The following CFAP61 variants were observed in gnomAD, a reference collection of about 807,000 sequenced individuals.
CFAP61 encodes the protein cilia and flagella associated protein 61.
A neutral mutation model predicts 135.6 loss-of-function variants in CFAP61; 107 were observed. That is an observed-to-expected ratio of 0.79 (90% CI 0.67 to 0.93). The LOEUF is 0.93. CFAP61 is among the 40% of genes least tolerant of loss of function. The pLI, the probability that CFAP61 is intolerant of heterozygous loss-of-function variation, is 0.00. For missense variants in CFAP61, 1,507 were observed against 1,556.2 expected, an observed-to-expected ratio of 0.97 and a Z score of 0.53; for synonymous variants, 575 against 578.5, an observed-to-expected ratio of 0.99 and a Z score of 0.09.
At position 20,169,355 on chromosome 20, in the gene CFAP61, T is replaced by C; in HGVS notation, c.1280T>C (p.Leu427Pro). The C allele has an allele frequency of 3.1e-6, 5 of 1,613,968 alleles. No individual in the cohort carries two copies. The highest frequency in any genetic ancestry group is 4.2e-6 in the Non-Finnish European group (5 of 1,179,942). ...KNFCVISLPHLTPEFFLIQNF... is the reference protein window; with the variant it reads ...KNFCVISLPHPTPEFFLIQNF... ...TTCTGTGTAATTTCTCTGCCCCATC[T>C]CACCCCCGAGTTCTTCCTCATCCAG... The change falls in exon 13 of 27, where the codon CTC becomes CCC. Residue 427 changes from leucine (L) to proline (P), a missense_variant. Physicochemically the swap from Leu to Pro is moderately conservative, Grantham distance 98. Transcript: ENST00000245957.
At chr20:20,168,410 C>T (rs1224931751) in intron 12 of CFAP61, among the ~76,000 whole-genome samples, 1 of 152,150 alleles carries the variant, frequency 6.6e-6, no homozygotes, top group African/African-American at 2.4e-5. Context: ...TATTAATGAG[C>T]TATTTACAAT....
chr20:20,098,736 C>G lies in CFAP61; in HGVS notation c.781C>G (p.Pro261Ala). The change falls in exon 8 of 27, where the codon CCT becomes GCT. Residue 261 changes from proline to alanine, a missense_variant. Transcript: ENST00000245957. ...GCTGCATGAGTGCTTTGACTTGGGC[C>G]CTTTCCACGGACTCTGTTTCCCACA... ...QLLHECFDLG[P>A]FHGLCFPHPD... 6.2e-7 allele frequency: 1 copy of G among 1,613,942 alleles called. No individual in the cohort carries two copies. Among genetic ancestry groups the G allele is most frequent in the Non-Finnish European group, 8.5e-7 (1 of 1,179,964 alleles).
At chr20:20,299,355 A>C (rs2055889058) in intron 25 of CFAP61, among the ~76,000 whole-genome samples, 1 of 152,170 alleles carries the variant, frequency 6.6e-6, no homozygotes, top group African/African-American at 2.4e-5. Flanking sequence ...TGAGTTTGTC[A>C]TTCTGTTGCC....
At chr20:20,240,978 A>C (rs1311960670) in intron 18 of CFAP61, among the ~76,000 whole-genome samples, 1 of 152,184 alleles carries the variant, frequency 6.6e-6, no homozygotes, top group East Asian at 1.9e-4. Flanking sequence ...GCAGAGAAGC[A>C]GGTCATGGGC....
At chr20:20,273,719 C>T (rs1214910432) in intron 21 of CFAP61, among the ~76,000 whole-genome samples, 18 of 152,220 alleles carry the variant, frequency 1.2e-4, no homozygotes, top group Admixed American at 1.2e-3. Context: ...ATGGACCTTA[C>T]AGTCCAAACA....
intron 23 of CFAP61, among the ~76,000 whole-genome samples, chr20:20,289,473 A>G (rs1232590401): frequency 6.6e-6 from 1 of 152,214 alleles, no homozygotes; most frequent in Non-Finnish European, 1.5e-5. Flanking sequence ...AGGGTATGAG[A>G]AATACCTTTG....
chr20:20,334,679 T>C (rs1164801105), intron 25 of CFAP61, among the ~76,000 whole-genome samples: 1 of 152,214 alleles, frequency 6.6e-6, no homozygotes, highest in Non-Finnish European at 1.5e-5. Context: ...CTTTCGGTTA[T>C]GTAAATCATA....
intron 23 of CFAP61, 47 bp downstream of exon 23, chr20:20,288,983 A>G (rs371299535): frequency 2.7e-6 from 4 of 1,497,198 alleles, no homozygotes; most frequent in Non-Finnish European, 3.7e-6. Flanking sequence ...CAGATTAGGT[A>G]TGGCTCAGCA....
rs576965895 is a variant in CFAP61, at chr20:20,187,949, G to T, written c.1405G>T (p.Ala469Ser). 219 of 1,612,684 alleles carry T rather than the reference G, an allele frequency of 1.4e-4. 2 individuals are homozygous for T. The South Asian group carries it at 2.3e-3, about 17-fold the overall frequency. ...GLLKSINIRF[A>S]TLLDTPGVEN... ...ACCCAGGTCCATTAATATAAGATTTGCCACTCTCTTGGATACTCCTGGTGT... is the reference window on the plus strand; with the variant it reads ...ACCCAGGTCCATTAATATAAGATTTTCCACTCTCTTGGATACTCCTGGTGT... The change falls in exon 14 of 27, where the codon GCC becomes TCC. Residue 469 changes from alanine (A) to serine (S), a missense_variant. Ala to Ser is a moderately conservative substitution (Grantham distance 99, BLOSUM62 1). Coordinates refer to ENST00000245957, the MANE Select transcript of CFAP61 (RefSeq NM_015585.4).
chr20:20,252,189 C>G (rs2050982287), intron 20 of CFAP61, among the ~76,000 whole-genome samples: 1 of 152,128 alleles, frequency 6.6e-6, no homozygotes, highest in African/African-American at 2.4e-5. Flanking sequence ...TTCTGTCGAC[C>G]CTTATTTTAT....
At chr20:20,168,587 TC>T (rs35321427) in intron 12 of CFAP61, among the ~76,000 whole-genome samples, 1 of 152,208 alleles carries the variant, frequency 6.6e-6, no homozygotes, top group South Asian at 2.1e-4. Context: ...ATAAAACTTT[TC>T]CAGTAATGGA....
chr20:20,172,864 A>G (rs4383407), intron 13 of CFAP61, among the ~76,000 whole-genome samples: 137,054 of 152,262 alleles, frequency 0.9, 62,506 homozygotes, highest in Middle Eastern at 0.99. Flanking sequence ...GGACAAACGT[A>G]TAATGACATG....
chr20:20,253,363 C>T (rs915052717), intron 20 of CFAP61: 8 of 205,254 alleles, frequency 3.9e-5, no homozygotes, highest in African/African-American at 9.5e-5. Flanking sequence ...TTTTCTTCTG[C>T]GCAGCCTCTT....
At chr20:20,123,527 T>C (rs1048356654) in intron 8 of CFAP61, among the ~76,000 whole-genome samples, 1 of 151,766 alleles carries the variant, frequency 6.6e-6, no homozygotes, top group Admixed American at 6.6e-5. Context: ...CCCCACTTTA[T>C]GTTTTTGTTT....
rs1218380396 is a variant in CFAP61 at position 20,360,275 on chromosome 20, T to C, written c.3579T>C (p.Thr1193=). Residue 1193 remains threonine (T), a synonymous_variant, in exon 27 of 27, where the codon ACT becomes ACC. Coordinates refer to ENST00000245957, the MANE Select transcript of CFAP61 (RefSeq NM_015585.4). ...HQIEDEEINP[T]EKPRQYLKRV... ...TAGAAGATGAGGAAATCAACCCGACTGAGAAGCCCAGGCAATACCTCAAAA... is the reference window on the plus strand; with the variant it reads ...TAGAAGATGAGGAAATCAACCCGACCGAGAAGCCCAGGCAATACCTCAAAA... 6.2e-7 allele frequency: 1 copy of C among 1,613,810 alleles called. No homozygotes were observed. Among genetic ancestry groups the C allele is most frequent in the African/African-American group, 1.3e-5 (1 of 74,894 alleles).
chr20:20,177,261 T>C (rs1032863439), intron 13 of CFAP61, among the ~76,000 whole-genome samples: 9 of 152,154 alleles, frequency 5.9e-5, no homozygotes, highest in Admixed American at 5.9e-4. Context: ...TCTAAAACCA[T>C]TTTTTGCATT....
chr20:20,102,203 C>T (rs894530993), intron 8 of CFAP61, among the ~76,000 whole-genome samples: 8 of 152,212 alleles, frequency 5.3e-5, no homozygotes, highest in African/African-American at 1.7e-4. Context: ...GGTGCTTTCT[C>T]CATTGACTCC....
At chr20:20,350,722 G>A (rs1043255655) in intron 26 of CFAP61, among the ~76,000 whole-genome samples, 1 of 152,208 alleles carries the variant, frequency 6.6e-6, no homozygotes, top group Non-Finnish European at 1.5e-5. Flanking sequence ...GTTTAGAACA[G>A]CCAGAAGGAG....
intron 19 of CFAP61, among the ~76,000 whole-genome samples, chr20:20,251,353 C>CT (rs1303060603): frequency 2.3e-5 from 3 of 133,308 alleles, no homozygotes; most frequent in East Asian, 2.2e-4. Context: ...ACACACACAC[C>CT]CCTCCCACCC....
Sources: allele counts gnomAD v4.1 joint callset (sites outside exome capture counted in the v4.1 genomes callset), GRCh38; gene constraint gnomAD v4.1.1; transcripts MANE v1.5; gene names NCBI Gene and HGNC (gene_info 2026-07-23, HGNC 2026-07-21).